The following KSR2 variants were observed in gnomAD, a reference collection of about 807,000 sequenced individuals.
KSR2 encodes kinase suppressor of ras 2.
KSR2 carries 25 observed loss-of-function variants against 107.8 expected under a neutral mutation model. The observed-to-expected ratio is 0.23, with a 90% CI of 0.17 to 0.32. The LOEUF (loss-of-function observed/expected upper bound fraction) is 0.32, where lower values mean the gene tolerates loss of function less well. Among genes scored for constraint, KSR2 ranks in the 10% least tolerant of loss-of-function variants. KSR2 has a pLI of 1.00. For missense variants in KSR2, 887 were observed against 1,268.9 expected, an observed-to-expected ratio of 0.70 and a Z score of 4.57; for synonymous variants, 480 against 507.0, an observed-to-expected ratio of 0.95 and a Z score of 0.71.
chr12:117,698,862 CAG>C (rs1886182798), intron 4 of KSR2, among the ~76,000 whole-genome samples: 1 of 152,190 alleles, frequency 6.6e-6, no homozygotes, highest in African/African-American at 2.4e-5. Context: ...CTGGGCCCAT[CAG>C]AGTCTTACTG....
At chr12:117,761,710 T>C (rs1358400345) in intron 3 of KSR2, among the ~76,000 whole-genome samples, 186 bp from the exon 4 acceptor site, 1 of 152,206 alleles carries the variant, frequency 6.6e-6, no homozygotes. Flanking sequence ...CTTATGCACA[T>C]TATACCATGT....
At chr12:117,888,328 G>A (rs1249466177) in intron 1 of KSR2, among the ~76,000 whole-genome samples, 2 of 152,168 alleles carry the variant, frequency 1.3e-5, no homozygotes, top group African/African-American at 4.8e-5. Flanking sequence ...TCAAAAGTAT[G>A]CTCTCCAAAA....
intron 1 of KSR2, among the ~76,000 whole-genome samples, chr12:117,904,903 C>T (rs927891870): frequency 6.6e-6 from 1 of 152,100 alleles, no homozygotes; most frequent in Non-Finnish European, 1.5e-5. Context: ...GTATTCTGGC[C>T]GGGCACGGTG....
chr12:117,836,953 T>A (rs1892240437), intron 3 of KSR2, among the ~76,000 whole-genome samples: 1 of 152,222 alleles, frequency 6.6e-6, no homozygotes, highest in Non-Finnish European at 1.5e-5. Context: ...TCCCTTTGCA[T>A]CTCCACTAGT....
intron 3 of KSR2, among the ~76,000 whole-genome samples, chr12:117,850,190 A>G (rs1423184661): frequency 6.6e-6 from 1 of 152,202 alleles, no homozygotes; most frequent in Non-Finnish European, 1.5e-5. Context: ...CAAGCACATC[A>G]CACAGCTTTT....
chr12:117,915,924 T>A (rs1895157582), intron 1 of KSR2, among the ~76,000 whole-genome samples: 1 of 152,018 alleles, frequency 6.6e-6, no homozygotes, highest in African/African-American at 2.4e-5. Context: ...TCAAGCAGAC[T>A]TTGAGGAAAT....
intron 14 of KSR2, among the ~76,000 whole-genome samples, chr12:117,495,022 C>A (rs1565871876): frequency 1.3e-5 from 2 of 152,178 alleles, no homozygotes; most frequent in Non-Finnish European, 2.9e-5. Context: ...TGTTTGCCTT[C>A]CAAATAAAAG....
chr12:117,714,959 CT>C (rs1886923153), intron 4 of KSR2, among the ~76,000 whole-genome samples: 1 of 152,076 alleles, frequency 6.6e-6, no homozygotes, highest in Admixed American at 6.6e-5. Flanking sequence ...TGGCTTCTGG[CT>C]GTCACTATAG....
chr12:117,950,973 G>A (rs377681198), intron 1 of KSR2, among the ~76,000 whole-genome samples: 2 of 151,694 alleles, frequency 1.3e-5, no homozygotes, highest in Admixed American at 1.3e-4. Flanking sequence ...GAGTGCAGTG[G>A]CGCGATCTCG....
At chr12:117,688,241 A>G (rs906284480) in intron 4 of KSR2, among the ~76,000 whole-genome samples, 7 of 152,118 alleles carry the variant, frequency 4.6e-5, no homozygotes, top group African/African-American at 1.4e-4. Flanking sequence ...CTGGCCAGGA[A>G]TGGTGGTGGG....
intron 9 of KSR2, among the ~76,000 whole-genome samples, chr12:117,540,298 G>A (rs1876390891): frequency 6.6e-6 from 1 of 152,122 alleles, no homozygotes; most frequent in Admixed American, 6.5e-5. Flanking sequence ...GAGAATGTGA[G>A]AGTGAGCCTT....
rs150333367 is a variant in KSR2 at position 117,926,543 on chromosome 12, G to A, written c.180+41533C>T. On this transcript the variant is annotated intron_variant, in intron 1 of 19. Coordinates refer to ENST00000339824, the MANE Select transcript of KSR2 (RefSeq NM_173598.6). The stretch of plus-strand genomic sequence containing the variant: ...GCCTCTCTCTCTGGAGGGACTCTGT[G>A]GGTGGCCCTTCTAAGAGCTCTTTTC... 1.6e-3 allele frequency among the ~76,000 whole-genome samples: 247 copies of A among 152,298 alleles called. 1 individual carries two copies. Among genetic ancestry groups the A allele is most frequent in the African/African-American group, 5.6e-3 (233 of 41,574 alleles).
chr12:117,589,744 C>T (rs1031697484), intron 5 of KSR2, among the ~76,000 whole-genome samples: 18 of 152,162 alleles, frequency 1.2e-4, no homozygotes, highest in African/African-American at 4.1e-4. Context: ...CTTTAATATC[C>T]AACTCAAATA....
intron 1 of KSR2, among the ~76,000 whole-genome samples, chr12:117,931,723 T>TA (rs1182886279): frequency 6.6e-6 from 1 of 152,152 alleles, no homozygotes; most frequent in African/African-American, 2.4e-5. Context: ...AATTTCCAAA[T>TA]AGAGCTGAGA....
At chr12:117,643,543 A>G (rs1420613820) in intron 5 of KSR2, among the ~76,000 whole-genome samples, 1 of 152,230 alleles carries the variant, frequency 6.6e-6, no homozygotes, top group African/African-American at 2.4e-5. Context: ...AGGATGCAGG[A>G]TATGATCTTA....
At chr12:117,740,348 C>T (rs1302498679) in intron 4 of KSR2, among the ~76,000 whole-genome samples, 6 of 119,238 alleles carry the variant, frequency 5.0e-5, no homozygotes, top group Admixed American at 1.0e-4. Context: ...GTTATATATA[C>T]TATATATAGT....
intron 5 of KSR2, among the ~76,000 whole-genome samples, chr12:117,591,631 G>T (rs2136269626): frequency 6.6e-6 from 1 of 151,916 alleles, no homozygotes; most frequent in East Asian, 1.9e-4. Context: ...ACATTGGAGA[G>T]GATGTGAGGG....
intron 4 of KSR2, chr12:117,677,086 A>G (rs1489979617): frequency 6.6e-6 from 1 of 152,234 alleles, no homozygotes; most frequent in Non-Finnish European, 1.5e-5. Flanking sequence ...AGCATACAAC[A>G]GCATCATCAA....
intron 4 of KSR2, among the ~76,000 whole-genome samples, chr12:117,676,136 G>A (rs1200845742): frequency 6.6e-6 from 1 of 152,240 alleles, no homozygotes; most frequent in East Asian, 1.9e-4. Flanking sequence ...AAAGGGAGCA[G>A]TTTGGAAAAG....
Sources: allele counts gnomAD v4.1 joint callset (sites outside exome capture counted in the v4.1 genomes callset), GRCh38; gene constraint gnomAD v4.1.1; transcripts MANE v1.5; gene names NCBI Gene and HGNC (gene_info 2026-07-23, HGNC 2026-07-21).